The following NUP210L variants were observed in gnomAD, a reference collection of about 807,000 sequenced individuals.
NUP210L encodes the protein nucleoporin 210 like, also known as nuclear pore membrane glycoprotein 210-like.
A neutral mutation model predicts 208.5 loss-of-function variants in NUP210L; 74 were observed. That is an observed-to-expected ratio of 0.35 (90% CI 0.29 to 0.43). The LOEUF (loss-of-function observed/expected upper bound fraction) is 0.43, where lower values mean the gene tolerates loss of function less well. Ranked by LOEUF, NUP210L falls within the 20% of genes least tolerant of loss-of-function variation. NUP210L has a pLI of 1.00. For missense variants in NUP210L, 1,843 were observed against 2,289.4 expected (o/e 0.81, Z 3.98); for synonymous variants, 780 against 816.9 (o/e 0.95, Z 0.77).
intron 15 of NUP210L, among the ~76,000 whole-genome samples, chr1:154,094,185 A>C (rs993750692): frequency 1.3e-5 from 2 of 152,144 alleles, no homozygotes; most frequent in African/African-American, 4.8e-5. Context: ...CAGGAGGCCG[A>C]AACAGGAGAA....
chr1:154,118,231 C>T (rs1410124301), intron 11 of NUP210L, among the ~76,000 whole-genome samples: 1 of 152,054 alleles, frequency 6.6e-6, no homozygotes, highest in Non-Finnish European at 1.5e-5. Flanking sequence ...ATCGCTTCAA[C>T]CTGGGAGACA....
At position 154,072,553 on chromosome 1, in the gene NUP210L, T is replaced by C. The variant is rs368355540; in HGVS notation, c.2362-2088A>G. Among the ~76,000 whole-genome samples, 496 of 152,072 alleles carry C rather than the reference T, an allele frequency of 3.3e-3. 2 individuals are homozygous for C. The highest frequency in any genetic ancestry group is 0.012 in the East Asian group (64 of 5,166). On this transcript the variant is annotated intron_variant, in intron 16 of 39. Transcript: ENST00000368559. ...TTCACCGTGTTAGCCAGGATGGTCT[T>C]GATCTCCTGACCTCATGATCCGCCC...
intron 16 of NUP210L, among the ~76,000 whole-genome samples, chr1:154,085,969 TG>T (rs1355701971): frequency 1.3e-5 from 2 of 152,038 alleles, no homozygotes; most frequent in Non-Finnish European, 2.9e-5. Context: ...CCCAGCACTT[TG>T]GGAGGCCAAG....
At chr1:154,054,393 A>G in exon 25 of NUP210L, 1 of 1,614,126 alleles carries the variant, frequency 6.2e-7, no homozygotes, top group African/African-American at 1.3e-5. Context: ...GCTGGGGGCC[A>G]CCTTCAGACA....
chr1:153,994,977 A>G lies in NUP210L; in HGVS notation c.5491+99T>C, dbSNP rs576834670. 1,044 of 708,040 alleles carry G rather than the reference A, an allele frequency of 1.5e-3. 6 individuals are homozygous for G. The highest frequency in any genetic ancestry group is 8.2e-4 in the Non-Finnish European group (358 of 434,688). 43.9% of individuals were successfully genotyped at this position (708,040 alleles called of 1,614,324 possible). On this transcript the variant is annotated intron_variant, in intron 38 of 39. Coordinates refer to ENST00000368559, the Ensembl canonical transcript of NUP210L. The stretch of plus-strand genomic sequence containing the variant: ...CTGTAAGCCAAGATTGCGCCACTGC[A>G]CTCCAGCGTGGGCGACAGACTTAAA...
chr1:154,027,109 A>C (rs1010019503), intron 29 of NUP210L, among the ~76,000 whole-genome samples: 2 of 150,810 alleles, frequency 1.3e-5, no homozygotes, highest in East Asian at 1.9e-4. Context: ...AAAAAAAAAA[A>C]ACAAAAAACA....
At chr1:154,136,678 T>C (rs1658561884) in intron 6 of NUP210L, among the ~76,000 whole-genome samples, 1 of 151,332 alleles carries the variant, frequency 6.6e-6, no homozygotes, top group South Asian at 2.1e-4. Flanking sequence ...CCCAGCACCG[T>C]GGGAAGCCGA....
intron 25 of NUP210L, among the ~76,000 whole-genome samples, chr1:154,048,691 G>GT (rs1653318941): frequency 6.6e-6 from 1 of 152,214 alleles, no homozygotes; most frequent in Non-Finnish European, 1.5e-5. Flanking sequence ...CACAAAAGCT[G>GT]TGAGTCTTCT....
intron 7 of NUP210L, among the ~76,000 whole-genome samples, chr1:154,131,113 A>G (rs1446248125): frequency 1.3e-5 from 2 of 151,798 alleles, no homozygotes; most frequent in Non-Finnish European, 2.9e-5. Context: ...AAAAAAAAAA[A>G]TACAAAAAAT....
chr1:154,005,504 A>G (rs954933940), intron 35 of NUP210L, among the ~76,000 whole-genome samples: 9 of 152,022 alleles, frequency 5.9e-5, no homozygotes, highest in Admixed American at 5.2e-4. Context: ...CTTGGATTAC[A>G]GGTGTGAGCC....
chr1:154,014,920 C>T (rs1297702246), intron 33 of NUP210L, among the ~76,000 whole-genome samples: 1 of 152,150 alleles, frequency 6.6e-6, no homozygotes, highest in Non-Finnish European at 1.5e-5. Flanking sequence ...ACGAGAATTG[C>T]TTGAACCTGG....
chr1:154,112,391 G>C (rs932239853), intron 12 of NUP210L, among the ~76,000 whole-genome samples: 1 of 151,986 alleles, frequency 6.6e-6, no homozygotes, highest in African/African-American at 2.4e-5. Flanking sequence ...GGGTGACAGA[G>C]CAAGAACTTG....
chr1:154,017,417 G>A (rs1307847889), intron 33 of NUP210L, among the ~76,000 whole-genome samples: 1 of 151,852 alleles, frequency 6.6e-6, no homozygotes, highest in African/African-American at 2.4e-5. Context: ...TAGTAATGAT[G>A]GTTGATCACT....
At chr1:154,100,939 G>A (rs565256277) in intron 13 of NUP210L, among the ~76,000 whole-genome samples, 14 of 151,842 alleles carry the variant, frequency 9.2e-5, no homozygotes, top group Admixed American at 4.6e-4. Context: ...TTGGAAGGCC[G>A]AGGCGGGTGG....
intron 34 of NUP210L, among the ~76,000 whole-genome samples, chr1:154,010,705 T>C (rs1000112073): frequency 3.3e-5 from 5 of 151,894 alleles, no homozygotes; most frequent in African/African-American, 9.7e-5. Flanking sequence ...ACCCCGTCTC[T>C]ACTAAAAATA....
chr1:154,006,817 CATATATAT>C (rs376666558), intron 35 of NUP210L, among the ~76,000 whole-genome samples: 2 of 114,688 alleles, frequency 1.7e-5, no homozygotes, highest in African/African-American at 3.3e-5. Context: ...CTTACCATGC[CATATATAT>C]ATATATATAT....
At chr1:154,079,799 C>T (rs1264488572) in intron 16 of NUP210L, 1 of 152,182 alleles carries the variant, frequency 6.6e-6, no homozygotes, top group Admixed American at 6.6e-5. Context: ...TTGGTCTTCC[C>T]ATGTGAAACT....
intron 15 of NUP210L, among the ~76,000 whole-genome samples, chr1:154,090,003 G>A (rs1002024649): frequency 6.6e-6 from 1 of 152,150 alleles, no homozygotes; most frequent in Admixed American, 6.6e-5. Context: ...CTTGAACCCA[G>A]GAGGTCAAGG....
intron 12 of NUP210L, among the ~76,000 whole-genome samples, chr1:154,106,077 A>G (rs1215502052): frequency 6.6e-6 from 1 of 151,998 alleles, no homozygotes; most frequent in Non-Finnish European, 1.5e-5. Context: ...CCTGGCCAAT[A>G]TGGTGAAACC....
Sources: gnomAD v4.1 joint callset for allele counts (sites outside exome capture counted in the v4.1 genomes callset) on GRCh38, gnomAD v4.1.1 for gene constraint, MANE v1.5 for transcripts, NCBI Gene and HGNC (gene_info 2026-07-23, HGNC 2026-07-21) for gene names.